CTIF: variants seen among roughly 807,000 people sequenced by gnomAD.
CTIF encodes CBP80/20-dependent translation initiation factor.
A neutral mutation model predicts 66.0 loss-of-function variants in CTIF; 21 were observed. That is an observed-to-expected ratio of 0.32 (90% CI 0.23 to 0.46). CTIF has a LOEUF of 0.46. CTIF is among the 20% of genes least tolerant of loss of function. The probability of loss-of-function intolerance (pLI) is 1.00; values close to 1 mark genes in which losing one functional copy is unlikely to be tolerated. For synonymous variants in CTIF, 345 were observed against 326.4 expected, an observed-to-expected ratio of 1.06 and a Z score of -0.62; for missense variants, 739 against 812.7, an observed-to-expected ratio of 0.91 and a Z score of 1.10.
At position 48,859,458 on chromosome 18, in the gene CTIF, C is replaced by G; in HGVS notation, c.1696C>G (p.Leu566Val). The change falls in exon 12 of 12, where the codon CTG becomes GTG. Residue 566 changes from leucine (L) to valine (V), a missense_variant. Physicochemically the swap from Leu to Val is conservative, Grantham distance 32. Around this residue, in one of 2 missense-constraint regions of CTIF, gnomAD observed 210 missense variants for 292.3 expected, o/e 0.72. Transcript: ENST00000256413. ...CPSESMLTRSLLLEVIELHAN... is the reference protein window; with the variant it reads ...CPSESMLTRSVLLEVIELHAN... The stretch of plus-strand genomic sequence containing the variant: ...CTCGGAGTCCATGCTGACCCGGTCG[C>G]TGCTCCTAGAGGTCATCGAGCTCCA... 1 of 1,614,204 alleles carries G rather than the reference C, an allele frequency of 6.2e-7. No homozygotes were observed. The highest frequency in any genetic ancestry group is 8.5e-7 in the Non-Finnish European group (1 of 1,180,036).
chr18:48,853,060 T>C (rs1353972794), intron 10 of CTIF, among the ~76,000 whole-genome samples: 1 of 152,182 alleles, frequency 6.6e-6, no homozygotes, highest in Non-Finnish European at 1.5e-5. Context: ...GTGAGCATTT[T>C]CCTTTCCTGT....
intron 1 of CTIF, among the ~76,000 whole-genome samples, chr18:48,585,150 C>G (rs1382250938): frequency 6.6e-6 from 1 of 152,262 alleles, no homozygotes; most frequent in East Asian, 1.9e-4. Context: ...ATTTCTCAAA[C>G]CCAGAGCATT....
chr18:48,620,986 A>T (rs1293384792), intron 2 of CTIF, among the ~76,000 whole-genome samples: 3 of 152,056 alleles, frequency 2.0e-5, no homozygotes, highest in Admixed American at 6.6e-5. Flanking sequence ...AGAAAAAAAA[A>T]AATAGATGTG....
intron 1 of CTIF, among the ~76,000 whole-genome samples, chr18:48,606,855 A>C (rs1438463231): frequency 6.6e-6 from 1 of 152,220 alleles, no homozygotes; most frequent in African/African-American, 2.4e-5. Flanking sequence ...CAAGGGGGAC[A>C]AAAATAATGC....
At chr18:48,561,637 G>A (rs781531198) in intron 1 of CTIF, among the ~76,000 whole-genome samples, 1 of 152,184 alleles carries the variant, frequency 6.6e-6, no homozygotes, top group Non-Finnish European at 1.5e-5. Context: ...GGAAAGCAAT[G>A]GCCTCAGTGT....
At chr18:48,540,099 G>T (rs1164188836) in intron 1 of CTIF, 1 of 152,212 alleles carries the variant, frequency 6.6e-6, no homozygotes, top group Non-Finnish European at 1.5e-5. Context: ...GATGGGAGCA[G>T]AGGAAGAAAC....
At chr18:48,670,646 C>G in intron 5 of CTIF, 23 bp from the exon 6 acceptor site, 1 of 1,609,000 alleles carries the variant, frequency 6.2e-7, no homozygotes, top group Non-Finnish European at 8.5e-7. Context: ...CTTTCCAATG[C>G]CTTTCTGTCT....
At chr18:48,827,787 G>A (rs181211001) in intron 10 of CTIF, among the ~76,000 whole-genome samples, 1 of 152,034 alleles carries the variant, frequency 6.6e-6, no homozygotes, top group African/African-American at 2.4e-5. Flanking sequence ...TGTAACCTCC[G>A]CCGAAATAAC....
intron 7 of CTIF, among the ~76,000 whole-genome samples, chr18:48,722,698 C>A (rs189033597): frequency 6.0e-4 from 91 of 151,424 alleles, no homozygotes; most frequent in African/African-American, 2.2e-3. Flanking sequence ...CCAGCCGTAC[C>A]CATCAGCGCT....
At chr18:48,669,841 A>AT (rs2091499368) in intron 5 of CTIF, among the ~76,000 whole-genome samples, 4 of 116,470 alleles carry the variant, frequency 3.4e-5, no homozygotes, top group Admixed American at 8.8e-5. Flanking sequence ...ATATATATAT[A>AT]AGCTAGACTA....
At chr18:48,841,789 C>A (rs1255529791) in intron 10 of CTIF, among the ~76,000 whole-genome samples, 1 of 152,094 alleles carries the variant, frequency 6.6e-6, no homozygotes, top group African/African-American at 2.4e-5. Flanking sequence ...CTGATAAGGC[C>A]AGGCGGCTAT....
chr18:48,685,436 T>C (rs1246135498), intron 6 of CTIF, among the ~76,000 whole-genome samples: 2 of 152,046 alleles, frequency 1.3e-5, no homozygotes, highest in Non-Finnish European at 2.9e-5. Context: ...TTAGCCAGGC[T>C]GGTCTTGAAT....
At chr18:48,760,388 A>G (rs1256637187) in intron 8 of CTIF, 2 of 152,120 alleles carry the variant, frequency 1.3e-5, no homozygotes, top group East Asian at 1.9e-4. Context: ...AAGGAAAGCT[A>G]TAGATTTTCT....
In CTIF at chr18:48,626,390, C is replaced by T. The variant is rs201792093; in HGVS notation, c.180+6645C>T. 5.9e-5 allele frequency among the ~76,000 whole-genome samples: 9 copies of T among 151,884 alleles called. No homozygotes were observed. In the East Asian group the frequency reaches 7.7e-4, roughly 13 times the overall value. On this transcript the variant is annotated intron_variant, in intron 2 of 11. Transcript: ENST00000256413. Reference sequence around the variant, plus strand: ...TTGAGATGAGTCTTGCACTATCGCCCGGGCTAGATTGCCATGGCATGCTCT... The same window carrying T: ...TTGAGATGAGTCTTGCACTATCGCCTGGGCTAGATTGCCATGGCATGCTCT...
intron 6 of CTIF, among the ~76,000 whole-genome samples, chr18:48,708,047 ACTTC>A: frequency 6.6e-6 from 1 of 152,336 alleles, no homozygotes; most frequent in Non-Finnish European, 1.5e-5. Flanking sequence ...GTGGCTCAGA[ACTTC>A]CTTCCTCTTT....
At chr18:48,625,469 A>G (rs1598758254) in intron 2 of CTIF, among the ~76,000 whole-genome samples, 2 of 152,340 alleles carry the variant, frequency 1.3e-5, no homozygotes, top group East Asian at 1.9e-4. Flanking sequence ...TATTAACAAT[A>G]AAATCTTCTG....
chr18:48,757,812 T>C (rs2145860669), intron 7 of CTIF, 107 bp from the exon 8 acceptor site: 1 of 1,411,900 alleles, frequency 7.1e-7, no homozygotes, highest in Middle Eastern at 2.4e-4. Context: ...GTTGGAAGAA[T>C]GAATATATGG....
chr18:48,659,490 C>T (rs1368495027), intron 3 of CTIF, among the ~76,000 whole-genome samples: 1 of 152,206 alleles, frequency 6.6e-6, no homozygotes, highest in East Asian at 1.9e-4. Context: ...ATATTCGTTC[C>T]TGGAGCTGCA....
chr18:48,810,710 CTA>C (rs1213279715), intron 9 of CTIF, among the ~76,000 whole-genome samples: 1 of 149,580 alleles, frequency 6.7e-6, no homozygotes, highest in East Asian at 1.9e-4. Context: ...GGTTTTTTTC[CTA>C]TGTTTCTTTT....
Sources: gnomAD v4.1 joint callset for allele counts (sites outside exome capture counted in the v4.1 genomes callset) on GRCh38, gnomAD v4.1.1 for gene constraint, gnomAD v4.1.1 regional missense constraint, MANE v1.5 for transcripts, NCBI Gene and HGNC (gene_info 2026-07-23, HGNC 2026-07-21) for gene names.